SSBP1: variants seen among roughly 807,000 people sequenced by gnomAD.
SSBP1 encodes single stranded DNA binding protein 1.
A neutral mutation model predicts 27.0 loss-of-function variants in SSBP1; 20 were observed. That is an observed-to-expected ratio of 0.74 (90% CI 0.52 to 1.08). The LOEUF (loss-of-function observed/expected upper bound fraction) is 1.08, where lower values mean the gene tolerates loss of function less well. Among genes scored for constraint, SSBP1 ranks in the 50% least tolerant of loss-of-function variants. The pLI is 0.00. For missense variants in SSBP1, 137 were observed against 182.4 expected (o/e 0.75, Z 1.44); for synonymous variants, 59 against 59.3 (o/e 1.00, Z 0.02).
intron 3 of SSBP1, 92 bp from the exon 4 acceptor site, chr7:141,743,469 G>C: frequency 6.9e-7 from 1 of 1,458,726 alleles, no homozygotes; most frequent in South Asian, 1.3e-5. Context: ...TACATTGAGG[G>C]TTAGAGCTTC....
At chr7:141,749,665 C>T (rs1193134593) in intron 6 of SSBP1, among the ~76,000 whole-genome samples, 2 of 151,990 alleles carry the variant, frequency 1.3e-5, no homozygotes, top group Non-Finnish European at 2.9e-5. Context: ...ACCTATAATC[C>T]CAGCTACTGG....
Position 141,748,479 on chromosome 7 carries a change from A to G in SSBP1, c.404-1832A>G, listed in dbSNP as rs190788594. ...TTTATAATTTGTATAGAATGCTCACATGGTTTCTTACTGCTAAGTTTCTTT... is the reference window on the plus strand; with the variant it reads ...TTTATAATTTGTATAGAATGCTCACGTGGTTTCTTACTGCTAAGTTTCTTT... On this transcript the variant is annotated intron_variant, in intron 6 of 6. Coordinates refer to ENST00000265304, the MANE Select transcript of SSBP1 (RefSeq NM_003143.3). Among the ~76,000 whole-genome samples the G allele has an allele frequency of 2.2e-3, 333 of 152,274 alleles. 1 individual carries two copies. Among genetic ancestry groups the G allele is most frequent in the African/African-American group, 7.6e-3 (314 of 41,556 alleles).
At chr7:141,748,959 A>ATGGTCAG (rs1420708721) in intron 6 of SSBP1, among the ~76,000 whole-genome samples, 12 of 152,240 alleles carry the variant, frequency 7.9e-5, no homozygotes, top group African/African-American at 2.9e-4. Flanking sequence ...GGTCATGAAC[A>ATGGTCAG]AATATTCAGT....
intron 3 of SSBP1, among the ~76,000 whole-genome samples, chr7:141,742,999 C>T (rs963900436): frequency 7.2e-5 from 11 of 152,164 alleles, no homozygotes; most frequent in East Asian, 3.9e-4. Context: ...GGACTACAGG[C>T]GCCCGCCACC....
At chr7:141,748,183 T>G (rs1339928115) in intron 6 of SSBP1, among the ~76,000 whole-genome samples, 1 of 152,046 alleles carries the variant, frequency 6.6e-6, no homozygotes, top group East Asian at 1.9e-4. Context: ...ATTCTAGACA[T>G]AAGTTTATTC....
At chr7:141,748,787 G>T (rs927348841) in intron 6 of SSBP1, among the ~76,000 whole-genome samples, 1 of 152,070 alleles carries the variant, frequency 6.6e-6, no homozygotes, top group African/African-American at 2.4e-5. Flanking sequence ...TGGTTGATCT[G>T]TTTTATTGGT....
intron 2 of SSBP1, chr7:141,741,310 G>A (rs538521318): frequency 6.6e-6 from 1 of 152,362 alleles, no homozygotes; most frequent in African/African-American, 2.4e-5. Flanking sequence ...GATCTGACAG[G>A]AGGCGGATCT....
At chr7:141,744,293 T>A (rs1335074925) in intron 5 of SSBP1, among the ~76,000 whole-genome samples, 1 of 152,238 alleles carries the variant, frequency 6.6e-6, no homozygotes, top group Admixed American at 6.5e-5. Context: ...CAAGTGGCAT[T>A]TGAGCAAGTC....
intron 2 of SSBP1, chr7:141,741,839 T>A: frequency 9.8e-7 from 1 of 1,015,282 alleles, no homozygotes. Flanking sequence ...AATGTTAAAG[T>A]GATACTATTT....
intron 6 of SSBP1, among the ~76,000 whole-genome samples, chr7:141,748,669 C>G (rs1278099595): frequency 6.6e-6 from 1 of 151,952 alleles, no homozygotes; most frequent in Non-Finnish European, 1.5e-5. Flanking sequence ...TGTTTTTTTT[C>G]CTTGTCACTA....
chr7:141,740,101 T>C (rs1209324274), intron 2 of SSBP1: 1 of 152,230 alleles, frequency 6.6e-6, no homozygotes, highest in Non-Finnish European at 1.5e-5. Flanking sequence ...GTGTAAGATT[T>C]ATGAGGTCTA....
intron 2 of SSBP1, 112 bp downstream of exon 2, chr7:141,739,302 C>T: frequency 1.4e-6 from 1 of 714,188 alleles, no homozygotes; most frequent in Non-Finnish European, 2.2e-6. Context: ...CTCACCCACC[C>T]ACCTCTATAC....
chr7:141,743,351 G>C (rs1799638018), intron 3 of SSBP1, among the ~76,000 whole-genome samples: 1 of 152,148 alleles, frequency 6.6e-6, no homozygotes, highest in South Asian at 2.1e-4. Context: ...GTCTTCATAT[G>C]GTAGAGACAG....
chr7:141,745,832 A>T, intron 6 of SSBP1: 1 of 1,250,608 alleles, frequency 8.0e-7, no homozygotes, highest in African/African-American at 1.5e-5. Flanking sequence ...CCTAAAACTG[A>T]ATTATCCATC....
At chr7:141,750,144 A>G (rs1007561611) in intron 6 of SSBP1, among the ~76,000 whole-genome samples, 167 bp from the exon 7 acceptor site, 5 of 152,252 alleles carry the variant, frequency 3.3e-5, no homozygotes, top group African/African-American at 1.2e-4. Context: ...ACTTATGCCA[A>G]CTGTATATAT....
At chr7:141,744,120 A>T (rs1017760255) in intron 5 of SSBP1, 131 bp downstream of exon 5, 44 of 744,136 alleles carry the variant, frequency 5.9e-5, no homozygotes, top group Non-Finnish European at 8.7e-5. Flanking sequence ...TTTAAGAGGT[A>T]TTTACTAAGT....
rs975564629 is a variant in SSBP1, at chr7:141,738,376, C to T, written c.-78C>T. 1 of 152,382 alleles carries T rather than the reference C, an allele frequency of 6.6e-6. No homozygotes were observed. Among genetic ancestry groups the T allele is most frequent in the South Asian group, 2.1e-4 (1 of 4,824 alleles). 9.4% of individuals were successfully genotyped at this position (152,382 alleles called of 1,614,324 possible). On this transcript the variant is annotated 5_prime_UTR_variant, in exon 1 of 7. Coordinates refer to ENST00000265304, the MANE Select transcript of SSBP1 (RefSeq NM_003143.3). ...GTTCCCTGTGCGCCGGAAGTGATCC[C>T]CTGCGTGGCTGGGCTGCTCGGGTTA...
rs374255355 is a variant in SSBP1, at chr7:141,743,549, G to A, written c.86-12G>A. On this transcript the variant is annotated splice_polypyrimidine_tract_variant and intron_variant, in intron 3 of 6. Coordinates refer to ENST00000265304, the MANE Select transcript of SSBP1 (RefSeq NM_003143.3). ...GCAGGTTGTCTCATTTGGTCTTGATGTTGTGTTTCAGCCCTGAATCGTGTG... is the reference window on the plus strand; with the variant it reads ...GCAGGTTGTCTCATTTGGTCTTGATATTGTGTTTCAGCCCTGAATCGTGTG... 120 of 1,613,426 alleles carry A rather than the reference G, an allele frequency of 7.4e-5. No individual in the cohort carries two copies. The African/African-American group carries it at 1.2e-3, about 16-fold the overall frequency.
At position 141,742,175 on chromosome 7, in the gene SSBP1, C is replaced by T. The variant is rs767820643; in HGVS notation, c.31C>T (p.Arg11Cys). Residue 11 changes from arginine to cysteine, a missense_variant, in exon 3 of 7, where the codon CGT becomes TGT. By Grantham distance (180) the Arg-to-Cys change is radical (BLOSUM62 -3). Coordinates refer to ENST00000265304, the MANE Select transcript of SSBP1 (RefSeq NM_003143.3). MFRRPVLQVL[R>C]QFVRHESETT... ...TTCATTTGTTCTTCTTTAGGTACTT[C>T]GTCAGTTTGTAAGACATGAGTCCGA... 45 of 1,598,544 alleles carry T rather than the reference C, an allele frequency of 2.8e-5. No individual in the cohort carries two copies. Among genetic ancestry groups the T allele is most frequent in the Middle Eastern group, 1.7e-4 (1 of 6,008 alleles).
Sources: allele counts gnomAD v4.1 joint callset (sites outside exome capture counted in the v4.1 genomes callset), GRCh38; gene constraint gnomAD v4.1.1; transcripts MANE v1.5; gene names NCBI Gene and HGNC (gene_info 2026-07-23, HGNC 2026-07-21).